CNTNAP2: variants seen among roughly 807,000 people sequenced by gnomAD.
CNTNAP2 encodes contactin-associated protein-like 2.
In CNTNAP2, 98 loss-of-function variants were observed where a neutral mutation model predicts 155.2. That is an observed-to-expected ratio of 0.63 (90% CI 0.54 to 0.75). CNTNAP2 has a LOEUF of 0.75. Among genes scored for constraint, CNTNAP2 ranks in the 30% least tolerant of loss-of-function variants. CNTNAP2 has a pLI of 0.00. For synonymous variants in CNTNAP2, 651 were observed against 631.2 expected (o/e 1.03, Z -0.47); for missense variants, 1,727 against 1,688.1 (o/e 1.02, Z -0.40).
At chr7:147,948,370 A>G (rs2116825648) in intron 14 of CNTNAP2, among the ~76,000 whole-genome samples, 1 of 152,180 alleles carries the variant, frequency 6.6e-6, no homozygotes, top group South Asian at 2.1e-4. Context: ...CCCATTCTCC[A>G]TGATGTGCTT....
At chr7:146,729,543 T>C (rs1801488102) in intron 1 of CNTNAP2, among the ~76,000 whole-genome samples, 1 of 151,994 alleles carries the variant, frequency 6.6e-6, no homozygotes, top group South Asian at 2.1e-4. Flanking sequence ...AAACAATAAC[T>C]AGTATAGATG....
intron 1 of CNTNAP2, among the ~76,000 whole-genome samples, chr7:146,238,177 A>G (rs1409792232): frequency 6.6e-6 from 1 of 152,242 alleles, no homozygotes; most frequent in Admixed American, 6.5e-5. Context: ...ATCTTCTGCT[A>G]TAAATATTTT....
chr7:148,240,132 A>G (rs1362934438), intron 20 of CNTNAP2, among the ~76,000 whole-genome samples: 1 of 152,210 alleles, frequency 6.6e-6, no homozygotes, highest in African/African-American at 2.4e-5. Flanking sequence ...TTCCACTTTA[A>G]TCAAAATAAC....
At chr7:147,328,350 GAATTCAACAACT>G (rs1379291605) in intron 9 of CNTNAP2, among the ~76,000 whole-genome samples, 1 of 152,186 alleles carries the variant, frequency 6.6e-6, no homozygotes, top group African/African-American at 2.4e-5. Context: ...TACATTCTGT[GAATTCAACAACT>G]AATATAGCTG....
intron 3 of CNTNAP2, among the ~76,000 whole-genome samples, chr7:146,885,046 A>G (rs917957983): frequency 2.0e-5 from 3 of 152,064 alleles, no homozygotes; most frequent in Non-Finnish European, 4.4e-5. Context: ...CAGACCCCCA[A>G]ACTAAAAATT....
chr7:146,245,471 C>A (rs1245014151), intron 1 of CNTNAP2, among the ~76,000 whole-genome samples: 1 of 152,184 alleles, frequency 6.6e-6, no homozygotes, highest in Non-Finnish European at 1.5e-5. Flanking sequence ...GCAGCCGCTG[C>A]ACGCAGACAT....
intron 1 of CNTNAP2, among the ~76,000 whole-genome samples, chr7:146,213,826 A>G (rs1300606649): frequency 6.6e-6 from 1 of 152,214 alleles, no homozygotes; most frequent in African/African-American, 2.4e-5. Flanking sequence ...TTTGGTAAAT[A>G]AGATGCCATC....
chr7:147,621,520 T>C (rs1173381347), intron 12 of CNTNAP2, among the ~76,000 whole-genome samples: 1 of 152,088 alleles, frequency 6.6e-6, no homozygotes, highest in Non-Finnish European at 1.5e-5. Context: ...GTTTTTATTA[T>C]TACTTGTGCT....
intron 3 of CNTNAP2, among the ~76,000 whole-genome samples, chr7:147,021,018 G>C (rs1395842219): frequency 6.6e-6 from 1 of 152,068 alleles, no homozygotes; most frequent in Non-Finnish European, 1.5e-5. Context: ...GCATGCTTTT[G>C]ATAAAAATCC....
intron 3 of CNTNAP2, among the ~76,000 whole-genome samples, chr7:146,923,748 T>C (rs1044236413): frequency 2.0e-5 from 3 of 152,104 alleles, no homozygotes; most frequent in Non-Finnish European, 4.4e-5. Context: ...CACAAATAGG[T>C]CCTCTAATTT....
At chr7:147,871,135 G>A (rs962163520) in intron 13 of CNTNAP2, among the ~76,000 whole-genome samples, 1 of 152,118 alleles carries the variant, frequency 6.6e-6, no homozygotes, top group African/African-American at 2.4e-5. Flanking sequence ...ATTTTGGAAA[G>A]TACATTTCAC....
chr7:146,869,575 T>A (rs141368024), intron 3 of CNTNAP2, among the ~76,000 whole-genome samples: 1 of 152,256 alleles, frequency 6.6e-6, no homozygotes, highest in African/African-American at 2.4e-5. Context: ...CAGTAGTGGC[T>A]CAGTCCAAGT....
At chr7:146,482,207 A>G (rs868836303) in intron 1 of CNTNAP2, among the ~76,000 whole-genome samples, 538 of 47,184 alleles carry the variant, frequency 0.011, 6 homozygotes, top group Admixed American at 0.017. Flanking sequence ...TAAGAATTAG[A>G]AAAAAAAAAA....
chr7:146,839,770 G>A lies in CNTNAP2; in HGVS notation c.268G>A (p.Gly90Ser). Residue 90 changes from glycine to serine, a missense_variant, in exon 3 of 24, where the codon GGC becomes AGC. Gly to Ser is a moderately conservative substitution (Grantham distance 56). Transcript: ENST00000361727. ...DHYQWLQVDF[G>S]NRKQISAIAT... ...TTATCAATGGCTTCAGGTTGACTTT[G>A]GCAATCGGAAGCAGATCAGTGCCAT... The A allele has an allele frequency of 6.2e-7, 1 of 1,614,160 alleles. No individual in the cohort carries two copies. The highest frequency in any genetic ancestry group is 1.1e-5 in the South Asian group (1 of 91,082).
At chr7:146,799,039 T>TATG (rs1802824824) in intron 2 of CNTNAP2, among the ~76,000 whole-genome samples, 1 of 152,228 alleles carries the variant, frequency 6.6e-6, no homozygotes, top group African/African-American at 2.4e-5. Flanking sequence ...TTGAGGTTCA[T>TATG]ATGAACCACA....
At position 147,789,865 on chromosome 7, in the gene CNTNAP2, C is replaced by T. The variant is rs1320520824; in HGVS notation, c.2099-113700C>T. ...TTACATCAGCAGTTTGCCAGGCTCT[C>T]GGGCCTTTAGCCACAAACCGAAGGC... On this transcript the variant is annotated intron_variant, in intron 13 of 23. Coordinates refer to ENST00000361727, the MANE Select transcript of CNTNAP2 (RefSeq NM_014141.6). Among the ~76,000 whole-genome samples the T allele has an allele frequency of 2.0e-5, 3 of 152,142 alleles. 1 individual carries two copies. Among genetic ancestry groups the T allele is most frequent in the South Asian group, 4.1e-4 (2 of 4,820 alleles).
At position 146,550,417 on chromosome 7, in the gene CNTNAP2, T is replaced by G. The variant is rs867091706; in HGVS notation, c.98-223854T>G. ...CATTAATCTGTTTTTTTTTTTTTTT[T>G]TTTTTTTTTTTTATAAAGTACCCGA... On this transcript the variant is annotated intron_variant, in intron 1 of 23. Coordinates refer to ENST00000361727, the MANE Select transcript of CNTNAP2 (RefSeq NM_014141.6). 1.1e-3 allele frequency among the ~76,000 whole-genome samples: 150 copies of G among 134,588 alleles called. 1 individual carries two copies. The highest frequency in any genetic ancestry group is 1.9e-3 in the Non-Finnish European group (113 of 60,178). 88.3% of individuals were successfully genotyped at this position (134,588 alleles called of 152,430 possible). A position where few individuals can be genotyped will look rare whatever the true frequency, so the allele number is the denominator to read the frequency against.
At chr7:147,446,189 C>T (rs1243083670) in intron 10 of CNTNAP2, among the ~76,000 whole-genome samples, 2 of 149,408 alleles carry the variant, frequency 1.3e-5, no homozygotes, top group East Asian at 2.0e-4. Flanking sequence ...CTCTCACTGT[C>T]GGCCTCCTCT....
At chr7:146,479,950 A>G (rs1011928890) in intron 1 of CNTNAP2, among the ~76,000 whole-genome samples, 4 of 151,896 alleles carry the variant, frequency 2.6e-5, no homozygotes, top group African/African-American at 9.7e-5. Context: ...ACGCCCGGCT[A>G]ATTTTCGTAT....
Sources: allele counts gnomAD v4.1 joint callset (sites outside exome capture counted in the v4.1 genomes callset), GRCh38; gene constraint gnomAD v4.1.1; transcripts MANE v1.5; gene names NCBI Gene and HGNC (gene_info 2026-07-23, HGNC 2026-07-21).